The following ADAMTSL1 variants were observed in gnomAD, a reference collection of about 807,000 sequenced individuals.
ADAMTSL1 encodes the protein ADAMTS-like protein 1.
A neutral mutation model predicts 201.8 loss-of-function variants in ADAMTSL1; 126 were observed. The ratio of observed to expected loss-of-function variants is 0.62; its 90% CI spans 0.54 to 0.72. The LOEUF (loss-of-function observed/expected upper bound fraction) is 0.72. ADAMTSL1 is among the 30% of genes least tolerant of loss of function. ADAMTSL1 has a pLI of 0.00. For missense variants in ADAMTSL1, 2,679 were observed against 2,277.8 expected, an observed-to-expected ratio of 1.18 and a Z score of -3.59; for synonymous variants, 1,121 against 903.4, an observed-to-expected ratio of 1.24 and a Z score of -4.32.
chr9:18,358,432 A>T (rs1836353633), intron 2 of ADAMTSL1, among the ~76,000 whole-genome samples: 1 of 152,300 alleles, frequency 6.6e-6, no homozygotes, highest in East Asian at 1.9e-4. Context: ...TTATTTTACG[A>T]TATTCACGAT....
chr9:18,560,084 A>G (rs199688948), intron 3 of ADAMTSL1, among the ~76,000 whole-genome samples: 25 of 152,022 alleles, frequency 1.6e-4, no homozygotes, highest in Non-Finnish European at 3.1e-4. Context: ...CTTGTCTTGT[A>G]CCAGTTTTCA....
chr9:17,947,615 A>T (rs756700153), intron 1 of ADAMTSL1, among the ~76,000 whole-genome samples: 5 of 152,218 alleles, frequency 3.3e-5, no homozygotes, highest in Admixed American at 6.5e-5. Flanking sequence ...GACACGGTGA[A>T]TTTCCCAAAG....
At chr9:18,656,427 C>T (rs1564124135) in intron 7 of ADAMTSL1, among the ~76,000 whole-genome samples, 1 of 151,702 alleles carries the variant, frequency 6.6e-6, no homozygotes. Context: ...GTCAGGAGAT[C>T]GACCATCCTG....
At chr9:18,292,791 T>G (rs545624167) in intron 2 of ADAMTSL1, among the ~76,000 whole-genome samples, 1 of 152,344 alleles carries the variant, frequency 6.6e-6, no homozygotes, top group Non-Finnish European at 1.5e-5. Context: ...TTGGCTTCCC[T>G]GCTTTTGAGG....
At chr9:18,834,833 T>G (rs992179852) in intron 23 of ADAMTSL1, among the ~76,000 whole-genome samples, 1 of 152,218 alleles carries the variant, frequency 6.6e-6, no homozygotes, top group African/African-American at 2.4e-5. Flanking sequence ...AATTAGTATT[T>G]CATTGTATAT....
chr9:18,798,095 GAA>G (rs35077159), intron 20 of ADAMTSL1, among the ~76,000 whole-genome samples: 2 of 141,944 alleles, frequency 1.4e-5, no homozygotes, highest in South Asian at 2.2e-4. Context: ...GGCCAAAGAG[GAA>G]AAAAAAAAAA....
At chr9:18,674,247 TCA>T (rs1191097650) in intron 9 of ADAMTSL1, among the ~76,000 whole-genome samples, 1 of 150,926 alleles carries the variant, frequency 6.6e-6, no homozygotes, top group Non-Finnish European at 1.5e-5. Flanking sequence ...GAAAATTTTC[TCA>T]CACAAATGAA....
rs187070613 is a variant in ADAMTSL1, at chr9:18,209,907, A to G, written c.207+45926A>G. On this transcript the variant is annotated intron_variant, in intron 2 of 29. Transcript: ENST00000680146. The stretch of plus-strand genomic sequence containing the variant: ...TGGATCTACCTGTGTCAGATTATCT[A>G]GGCTGAGGATCTCAACAATAGATGT... 1.1e-3 allele frequency among the ~76,000 whole-genome samples: 173 copies of G among 152,280 alleles called. 6 individuals carry two copies. The South Asian group carries it at 0.032, about 28-fold the overall frequency.
intron 1 of ADAMTSL1, among the ~76,000 whole-genome samples, chr9:17,954,722 A>G (rs1435717803): frequency 6.6e-6 from 1 of 152,154 alleles, no homozygotes; most frequent in African/African-American, 2.4e-5. Flanking sequence ...GAAGTAGAAG[A>G]CCAGAGTTTT....
chr9:18,291,737 T>A (rs1464251463), intron 2 of ADAMTSL1, among the ~76,000 whole-genome samples: 1,586 of 133,710 alleles, frequency 0.012, 41 homozygotes, highest in African/African-American at 0.046. Flanking sequence ...TCTCTCTCTC[T>A]CTCTCTCTCT....
At chr9:18,538,288 A>G (rs1353859223) in intron 3 of ADAMTSL1, among the ~76,000 whole-genome samples, 1 of 152,082 alleles carries the variant, frequency 6.6e-6, no homozygotes, top group Non-Finnish European at 1.5e-5. Context: ...ATTTGACATG[A>G]TTCACTCTTG....
chr9:18,619,122 G>A (rs1825871134), intron 4 of ADAMTSL1, among the ~76,000 whole-genome samples: 1 of 152,116 alleles, frequency 6.6e-6, no homozygotes, highest in South Asian at 2.1e-4. Context: ...AAAAATAATA[G>A]CATGTGCACA....
At chr9:18,682,366 C>T (rs1437593514) in intron 12 of ADAMTSL1, among the ~76,000 whole-genome samples, 1 of 152,124 alleles carries the variant, frequency 6.6e-6, no homozygotes, top group Non-Finnish European at 1.5e-5. Context: ...TGGGAAGTCT[C>T]ATACTTCAAA....
intron 2 of ADAMTSL1, among the ~76,000 whole-genome samples, chr9:18,436,842 G>T (rs913878241): frequency 1.3e-5 from 2 of 152,166 alleles, no homozygotes; most frequent in African/African-American, 4.8e-5. Context: ...GAGGTGGAGA[G>T]CTTCCTGCAA....
rs1229588212 is a variant in ADAMTSL1 at position 18,574,121 on chromosome 9, C to G, written c.329C>G (p.Pro110Arg). ...KHHGQFYEWLPVSNDPDNPCS... is the reference protein window; with the variant it reads ...KHHGQFYEWLRVSNDPDNPCS... ...CATGGCCAGTTTTATGAATGGCTTC[C>G]TGTGTCTAATGACCCTGACAACCCA... The change falls in exon 4 of 29, where the codon CCT (proline) becomes CGT (arginine). Residue 110 changes from proline (P) to arginine (R), a missense_variant. Coordinates refer to ENST00000380548, the MANE Select transcript of ADAMTSL1 (RefSeq NM_001040272.6). 1.9e-6 allele frequency: 3 copies of G among 1,614,110 alleles called. No individual in the cohort carries two copies. The highest frequency in any genetic ancestry group is 2.2e-5 in the South Asian group (2 of 91,082).
intron 1 of ADAMTSL1, among the ~76,000 whole-genome samples, chr9:17,920,912 T>C (rs1826274588): frequency 6.6e-6 from 1 of 152,230 alleles, no homozygotes; most frequent in Non-Finnish European, 1.5e-5. Context: ...TGGGCCATCG[T>C]TTGCAGACCC....
chr9:18,375,753 G>C (rs1041848369), intron 2 of ADAMTSL1, among the ~76,000 whole-genome samples: 2 of 152,238 alleles, frequency 1.3e-5, no homozygotes, highest in African/African-American at 2.4e-5. Flanking sequence ...GACCCCAGCG[G>C]GTTGCCACTG....
chr9:18,754,392 G>A (rs1268648448), intron 16 of ADAMTSL1, among the ~76,000 whole-genome samples: 4 of 152,164 alleles, frequency 2.6e-5, no homozygotes, highest in Non-Finnish European at 5.9e-5. Flanking sequence ...TTATTTTGCA[G>A]TTTGCTCCCT....
At chr9:17,939,769 C>A (rs2131342490) in intron 1 of ADAMTSL1, among the ~76,000 whole-genome samples, 1 of 152,210 alleles carries the variant, frequency 6.6e-6, no homozygotes, top group Non-Finnish European at 1.5e-5. Context: ...TCATATGTGA[C>A]CCTGTTCTTG....
Sources: gnomAD v4.1 joint callset for allele counts (sites outside exome capture counted in the v4.1 genomes callset) on GRCh38, gnomAD v4.1.1 for gene constraint, MANE v1.5 for transcripts, NCBI Gene and HGNC (gene_info 2026-07-23, HGNC 2026-07-21) for gene names.